Variants in WIPI2 observed in about 807,000 individuals in gnomAD.
WIPI2 encodes the protein WD repeat domain, phosphoinositide interacting 2.
Under a neutral mutation model 52.3 loss-of-function variants are expected in WIPI2, and 28 were observed. The observed-to-expected ratio is 0.54, with a 90% confidence interval of 0.40 to 0.73. The LOEUF is 0.73. Among genes scored for constraint, WIPI2 ranks in the 30% least tolerant of loss-of-function variants. The pLI, the probability that WIPI2 is intolerant of heterozygous loss-of-function variation, is 0.00. For synonymous variants in WIPI2, 268 were observed against 245.0 expected (o/e 1.09, Z -0.88); for missense variants, 506 against 602.9 (o/e 0.84, Z 1.68).
chr7:5,229,890 T>TC (rs1783641286), intron 12 of WIPI2, 152 bp downstream of exon 12: 2 of 1,049,394 alleles, frequency 1.9e-6, no homozygotes, highest in Non-Finnish European at 2.7e-6. Flanking sequence ...AAATGGGTGT[T>TC]CCCAAGGCCT....
At chr7:5,204,662 G>C (rs1214208491) in intron 3 of WIPI2, among the ~76,000 whole-genome samples, 1 of 151,944 alleles carries the variant, frequency 6.6e-6, no homozygotes, top group African/African-American at 2.4e-5. Flanking sequence ...GCATCCTTTT[G>C]TGTTATGGCT....
At chr7:5,199,127 C>G (rs914986883) in intron 2 of WIPI2, among the ~76,000 whole-genome samples, 1 of 152,156 alleles carries the variant, frequency 6.6e-6, no homozygotes, top group Admixed American at 6.5e-5. Context: ...GTCCTGGGCT[C>G]AAGCAATCCT....
intron 8 of WIPI2, among the ~76,000 whole-genome samples, chr7:5,225,115 C>T (rs1783359206): frequency 6.6e-6 from 1 of 151,802 alleles, no homozygotes. Flanking sequence ...AGCCACTTTC[C>T]CTGTTGAAAG....
intron 2 of WIPI2, among the ~76,000 whole-genome samples, chr7:5,197,248 A>C (rs1781800394): frequency 6.6e-6 from 1 of 152,018 alleles, no homozygotes. Context: ...TTAAGGACAC[A>C]GGAAGGTATA....
rs761157505 is a variant in WIPI2, at chr7:5,214,623, G to A, written c.300G>A (p.Lys100=). 2.5e-6 allele frequency: 4 copies of A among 1,614,266 alleles called. No homozygotes were observed. In the South Asian group the frequency reaches 4.4e-5, roughly 18 times the overall value. ...IVSLKAPRKL[K]VCHFKKGTEI... ...GCCTTAAAGCACCAAGGAAGCTAAAGGTTTGCCACTTTAAGAAGGGAACTG... is the reference window on the plus strand; with the variant it reads ...GCCTTAAAGCACCAAGGAAGCTAAAAGTTTGCCACTTTAAGAAGGGAACTG... Residue 100 remains lysine (K), a synonymous_variant, in exon 4 of 13, where the codon AAG becomes AAA. Coordinates refer to ENST00000288828, the MANE Select transcript of WIPI2 (RefSeq NM_015610.4).
In WIPI2 at chr7:5,205,752, C is replaced by A. The variant is rs541007196; in HGVS notation, c.211+6094C>A. Among the ~76,000 whole-genome samples, 14 of 152,144 alleles carry A rather than the reference C, an allele frequency of 9.2e-5. No individual in the cohort carries two copies. In the South Asian group the frequency reaches 2.7e-3, roughly 29 times the overall value. ...TGAACTCCTGACCTCAAGTGATCCACCTGCCTCTGCCTCCCAAAGTGCTGG... is the reference window on the plus strand; with the variant it reads ...TGAACTCCTGACCTCAAGTGATCCAACTGCCTCTGCCTCCCAAAGTGCTGG... On this transcript the variant is annotated intron_variant, in intron 3 of 12. Transcript: ENST00000288828.
At chr7:5,199,347 A>ACT (rs1305393353) in intron 2 of WIPI2, among the ~76,000 whole-genome samples, 1 of 152,174 alleles carries the variant, frequency 6.6e-6, no homozygotes, top group Non-Finnish European at 1.5e-5. Flanking sequence ...CAGCCTCAGA[A>ACT]AAGTTTTATA....
At chr7:5,217,609 CT>C (rs1405093005) in intron 6 of WIPI2, 8 of 429,192 alleles carry the variant, frequency 1.9e-5, no homozygotes, top group Non-Finnish European at 3.5e-5. Flanking sequence ...CTGCTCTCTT[CT>C]CAGTAGCAGA....
At position 5,221,902 on chromosome 7, in the gene WIPI2, G is replaced by C. The variant is rs567066465; in HGVS notation, c.670-700G>C. On this transcript the variant is annotated intron_variant, in intron 7 of 12. Transcript: ENST00000288828. The stretch of plus-strand genomic sequence containing the variant: ...AGACCTTGGTGGGGTCCGAAGCCTC[G>C]TCAGACCACAAGGTCTTGCCCGTGT... 9.2e-5 allele frequency among the ~76,000 whole-genome samples: 14 copies of C among 151,964 alleles called. No homozygotes were observed. In the South Asian group the frequency reaches 2.7e-3, roughly 29 times the overall value.
At chr7:5,210,646 G>A (rs1335575625) in intron 3 of WIPI2, among the ~76,000 whole-genome samples, 1 of 152,108 alleles carries the variant, frequency 6.6e-6, no homozygotes, top group Non-Finnish European at 1.5e-5. Context: ...AATAAGTCAA[G>A]TTTTACCAAG....
In WIPI2 at chr7:5,233,483, A is replaced by G. The variant is rs1051549923; in HGVS notation, c.*2536A>G. 1.3e-5 allele frequency: 2 copies of G among 152,508 alleles called. No individual in the cohort carries two copies. Among genetic ancestry groups the G allele is most frequent in the Non-Finnish European group, 2.9e-5 (2 of 68,060 alleles). The allele number at this position is 152,508 out of a possible 1,614,324, so 9.4% of individuals were successfully genotyped here. On this transcript the variant is annotated 3_prime_UTR_variant, in exon 13 of 13. Coordinates refer to ENST00000288828, the MANE Select transcript of WIPI2 (RefSeq NM_015610.4). The stretch of plus-strand genomic sequence containing the variant: ...TTAAATTGTATTTTTCCAAACTTCA[A>G]AAAGGACGATGAGCGTGGGGGATAG...
intron 8 of WIPI2, among the ~76,000 whole-genome samples, chr7:5,224,679 G>A (rs565889622): frequency 2.0e-5 from 3 of 152,292 alleles, no homozygotes; most frequent in South Asian, 2.1e-4. Context: ...CCTGGCTGGG[G>A]GCCACAAGAT....
chr7:5,197,100 G>A (rs6954581), intron 2 of WIPI2, among the ~76,000 whole-genome samples: 101,500 of 111,690 alleles, frequency 0.91, 46,113 homozygotes, highest in East Asian at 0.95. Context: ...TGACAGAGCG[G>A]GACTCCGTCT....
At chr7:5,228,313 A>G in intron 11 of WIPI2, 102 bp downstream of exon 11, 1 of 1,107,254 alleles carries the variant, frequency 9.0e-7, no homozygotes, top group Non-Finnish European at 1.3e-6. Context: ...CCAGTGACAT[A>G]GAGGGGCAGA....
chr7:5,192,543 T>G (rs575134574), intron 1 of WIPI2, among the ~76,000 whole-genome samples: 1 of 152,318 alleles, frequency 6.6e-6, no homozygotes, highest in South Asian at 2.1e-4. Context: ...ATTTTCACAC[T>G]TACCCACTTC....
chr7:5,229,923 CGTTT>C (rs1192455702), intron 12 of WIPI2, among the ~76,000 whole-genome samples, 185 bp downstream of exon 12: 1 of 143,208 alleles, frequency 7.0e-6, no homozygotes, highest in African/African-American at 2.6e-5. Context: ...AATTCAGTTT[CGTTT>C]CCTTTTTTTT....
intron 2 of WIPI2, among the ~76,000 whole-genome samples, chr7:5,193,511 AT>A (rs1166374177): frequency 6.6e-6 from 1 of 152,192 alleles, no homozygotes; most frequent in Non-Finnish European, 1.5e-5. Context: ...CTTCTAGGTT[AT>A]GCTTATTGTG....
intron 3 of WIPI2, among the ~76,000 whole-genome samples, chr7:5,203,291 T>A (rs1782120507): frequency 6.6e-6 from 1 of 152,208 alleles, no homozygotes. Flanking sequence ...CGAGCGTCCC[T>A]TGGCCTAAAT....
chr7:5,206,277 A>G (rs1782292385), intron 3 of WIPI2, among the ~76,000 whole-genome samples: 1 of 152,122 alleles, frequency 6.6e-6, no homozygotes, highest in African/African-American at 2.4e-5. Flanking sequence ...CTGTGTCCTT[A>G]CTTATGTAGA....
Sources: allele counts gnomAD v4.1 joint callset (sites outside exome capture counted in the v4.1 genomes callset), GRCh38; gene constraint gnomAD v4.1.1; transcripts MANE v1.5; gene names NCBI Gene and HGNC (gene_info 2026-07-23, HGNC 2026-07-21).